Variants in GALNT16 observed in about 807,000 individuals in gnomAD.
GALNT16 encodes polypeptide N-acetylgalactosaminyltransferase 16.
In GALNT16, 40 loss-of-function variants were observed where a neutral mutation model predicts 76.1. The observed-to-expected ratio is 0.53, with a 90% CI of 0.41 to 0.68. The LOEUF (loss-of-function observed/expected upper bound fraction) is 0.68. Among genes scored for constraint, GALNT16 ranks in the 30% least tolerant of loss-of-function variants. GALNT16 has a pLI of 0.00. For synonymous variants in GALNT16, 276 were observed against 285.2 expected (o/e 0.97, Z 0.32); for missense variants, 621 against 731.9 (o/e 0.85, Z 1.75).
chr14:69,325,498 C>A, intron 4 of GALNT16, 94 bp downstream of exon 4: 2 of 801,244 alleles, frequency 2.5e-6, no homozygotes, highest in South Asian at 2.7e-5. Flanking sequence ...TTGTCCTGAC[C>A]ATCGCAGACA....
chr14:69,260,867 G>T (rs1594803308), intron 1 of GALNT16, among the ~76,000 whole-genome samples: 1 of 152,104 alleles, frequency 6.6e-6, no homozygotes. Context: ...ACTCGCAGCC[G>T]AGCGCGTAGG....
intron 1 of GALNT16, among the ~76,000 whole-genome samples, chr14:69,262,390 G>T (rs76070943): frequency 0.047 from 7,150 of 152,274 alleles, 200 homozygotes; most frequent in Middle Eastern, 0.092. Context: ...AATGGTGTAG[G>T]GGACCTGCTG....
At chr14:69,371,831 C>T in the GALNT16 span, among the ~76,000 whole-genome samples, 2 of 151,770 alleles carry the variant, frequency 1.3e-5, no homozygotes, top group Non-Finnish European at 2.9e-5. Flanking sequence ...GTAATCCCAG[C>T]TACTTGGGAG....
intron 6 of GALNT16, among the ~76,000 whole-genome samples, chr14:69,330,750 A>G (rs577626220): frequency 1.3e-5 from 2 of 152,366 alleles, no homozygotes; most frequent in East Asian, 3.9e-4. Context: ...ATGGAGGGCG[A>G]AAGATGAGAA....
At chr14:69,290,330 C>A (rs1278825493) in intron 1 of GALNT16, among the ~76,000 whole-genome samples, 1 of 152,194 alleles carries the variant, frequency 6.6e-6, no homozygotes, top group Non-Finnish European at 1.5e-5. Context: ...AGGAAACCAA[C>A]ATCTTGGATG....
intron 2 of GALNT16, among the ~76,000 whole-genome samples, chr14:69,323,358 G>A (rs1376039056): frequency 3.9e-5 from 6 of 152,214 alleles, no homozygotes; most frequent in East Asian, 3.9e-4. Flanking sequence ...CATGCATGCC[G>A]AAAGGGCTGG....
At chr14:69,290,040 G>A (rs2044669935) in intron 1 of GALNT16, among the ~76,000 whole-genome samples, 1 of 152,152 alleles carries the variant, frequency 6.6e-6, no homozygotes, top group Non-Finnish European at 1.5e-5. Context: ...CGCCTGGCCT[G>A]TTCTGAGTTA....
intron 1 of GALNT16, among the ~76,000 whole-genome samples, chr14:69,273,700 G>T (rs567942066): frequency 6.6e-6 from 1 of 152,332 alleles, no homozygotes; most frequent in East Asian, 1.9e-4. Context: ...TAGCTAAGGA[G>T]ATGTGTGACA....
intron 12 of GALNT16, among the ~76,000 whole-genome samples, chr14:69,345,355 A>G (rs1436458679): frequency 6.6e-6 from 1 of 152,094 alleles, no homozygotes; most frequent in Non-Finnish European, 1.5e-5. Context: ...TGGGAGAGGA[A>G]TTGAAAGGGT....
chr14:69,297,400 T>C (rs1257254544), intron 1 of GALNT16, among the ~76,000 whole-genome samples: 2 of 152,242 alleles, frequency 1.3e-5, no homozygotes, highest in Non-Finnish European at 2.9e-5. Context: ...CTTTAGTTTA[T>C]ACATTTTTAT....
chr14:69,370,640 G>A, the GALNT16 span, among the ~76,000 whole-genome samples: 8 of 151,876 alleles, frequency 5.3e-5, no homozygotes, highest in Non-Finnish European at 1.0e-4. Flanking sequence ...GGCTAATCTT[G>A]TTTCATCTAC....
chr14:69,344,374 G>A (rs2045535326), intron 12 of GALNT16, among the ~76,000 whole-genome samples: 1 of 152,272 alleles, frequency 6.6e-6, no homozygotes, highest in East Asian at 1.9e-4. Context: ...GCAAATGGCA[G>A]TAAGCATTCT....
the GALNT16 span, among the ~76,000 whole-genome samples, chr14:69,378,353 G>T: frequency 3.1e-3 from 478 of 152,274 alleles, 4 homozygotes; most frequent in African/African-American, 0.011. Flanking sequence ...ATCTGTCTGG[G>T]AGGTTTCACC....
chr14:69,378,903 T>C, the GALNT16 span, among the ~76,000 whole-genome samples: 1 of 152,202 alleles, frequency 6.6e-6, no homozygotes. Flanking sequence ...AGATTACTTT[T>C]GGATCTATTT....
Position 69,339,512 on chromosome 14 carries a change from T to G in GALNT16, c.1095-15T>G. 2.6e-6 allele frequency: 4 copies of G among 1,554,572 alleles called. No homozygotes were observed. The highest frequency in any genetic ancestry group is 3.6e-6 in the Non-Finnish European group (4 of 1,125,576). On this transcript the variant is annotated splice_polypyrimidine_tract_variant and intron_variant, in intron 10 of 14. Transcript: ENST00000448469. ...TTCCCTGGTGACCTTATTTTGCTCT[T>G]TCCTCTCCTTTTAGGAATACTAAGC...
chr14:69,385,934 T>C, the GALNT16 span, among the ~76,000 whole-genome samples: 1 of 152,224 alleles, frequency 6.6e-6, no homozygotes, highest in Admixed American at 6.5e-5. Flanking sequence ...CACTCATTCC[T>C]CTGCAGCCTC....
chr14:69,329,391 A>AT (rs1459074466), intron 6 of GALNT16, among the ~76,000 whole-genome samples: 1 of 152,104 alleles, frequency 6.6e-6, no homozygotes, highest in Non-Finnish European at 1.5e-5. Context: ...TTGAGTAGAC[A>AT]TTTTTTCAAG....
intron 1 of GALNT16, among the ~76,000 whole-genome samples, chr14:69,307,144 G>A (rs1483478133): frequency 6.6e-6 from 1 of 152,094 alleles, no homozygotes; most frequent in Admixed American, 6.5e-5. Flanking sequence ...TTTATCTCCT[G>A]TCCAAAGCTC....
At chr14:69,305,307 A>C (rs1405386572) in intron 1 of GALNT16, among the ~76,000 whole-genome samples, 1 of 151,440 alleles carries the variant, frequency 6.6e-6, no homozygotes, top group East Asian at 1.9e-4. Context: ...GCGATTACAG[A>C]CATGTGCCAC....
Sources: gnomAD v4.1 joint callset for allele counts (sites outside exome capture counted in the v4.1 genomes callset) on GRCh38, gnomAD v4.1.1 for gene constraint, MANE v1.5 for transcripts, NCBI Gene and HGNC (gene_info 2026-07-23, HGNC 2026-07-21) for gene names.